Variants in STK3 observed in about 807,000 individuals in gnomAD.
STK3 encodes serine/threonine kinase 3.
In STK3, 41 loss-of-function variants were observed where a neutral mutation model predicts 58.0. The ratio of observed to expected loss-of-function variants is 0.71; its 90% CI spans 0.55 to 0.92. STK3 has a LOEUF of 0.92. Among genes scored for constraint, STK3 ranks in the 40% least tolerant of loss-of-function variants. The pLI is 0.00. For missense variants in STK3, 479 were observed against 602.7 expected (o/e 0.79, Z 2.15); for synonymous variants, 170 against 191.0 (o/e 0.89, Z 0.91).
At chr8:98,876,900 A>T (rs1206264108) in intron 3 of STK3, among the ~76,000 whole-genome samples, 1 of 152,206 alleles carries the variant, frequency 6.6e-6, no homozygotes, top group Non-Finnish European at 1.5e-5. Context: ...GTAAATTTGC[A>T]TTTTGAAAAG....
chr8:98,654,952 AGTGACTTTCT>A (rs1375416721), intron 6 of STK3, among the ~76,000 whole-genome samples: 1 of 152,134 alleles, frequency 6.6e-6, no homozygotes, highest in Non-Finnish European at 1.5e-5. Context: ...TCAAGCTACC[AGTGACTTTCT>A]TCACAGAATT....
intron 3 of STK3, chr8:98,413,259 C>CCCA: frequency 1.6e-5 from 6 of 364,334 alleles, no homozygotes; most frequent in South Asian, 4.5e-5. Context: ...AAGTGATCCA[C>CCCA]CTGCCTTGGC....
chr8:98,740,440 C>T (rs1230529572), intron 4 of STK3, among the ~76,000 whole-genome samples: 2 of 152,144 alleles, frequency 1.3e-5, no homozygotes, highest in Non-Finnish European at 2.9e-5. Flanking sequence ...GGCCAATATT[C>T]AAGATTATTA....
At chr8:98,757,067 G>GA (rs1554669850) in intron 3 of STK3, among the ~76,000 whole-genome samples, 1 of 151,948 alleles carries the variant, frequency 6.6e-6, no homozygotes, top group Non-Finnish European at 1.5e-5. Context: ...TCCCCGTGGA[G>GA]CCCCTGTGAC....
chr8:98,659,486 C>T (rs1302364174), intron 6 of STK3, among the ~76,000 whole-genome samples: 4 of 151,496 alleles, frequency 2.6e-5, no homozygotes, highest in Admixed American at 6.6e-5. Flanking sequence ...GTCAGCAATA[C>T]AATTTTGATG....
upstream of STK3, chr8:98,391,612 G>C (rs1231428928): frequency 2.0e-5 from 3 of 152,202 alleles, no homozygotes; most frequent in Admixed American, 2.0e-4. Context: ...GAGGGAAAAA[G>C]TAAACTCACC....
chr8:98,907,771 C>T (rs1021450257), intron 1 of STK3, among the ~76,000 whole-genome samples: 1 of 152,148 alleles, frequency 6.6e-6, no homozygotes, highest in Non-Finnish European at 1.5e-5. Flanking sequence ...TTCAGATTTC[C>T]CCAATTGTGT....
chr8:98,370,299 T>G (rs898580779), downstream of STK3, among the ~76,000 whole-genome samples: 40 of 150,816 alleles, frequency 2.7e-4, no homozygotes, highest in African/African-American at 9.3e-4. Context: ...TAGAGAGGCC[T>G]GTTAAAAATA....
In STK3 at chr8:98,394,208, A is replaced by G. The variant is rs920217309; in HGVS notation, n.428-5961T>C. Among the ~76,000 whole-genome samples the G allele has an allele frequency of 3.9e-5, 6 of 152,334 alleles. No homozygotes were observed. In the South Asian group the frequency reaches 6.2e-4, roughly 16 times the overall value. The stretch of plus-strand genomic sequence containing the variant: ...TGGCTAGAGAAGCATGCTTAAAACC[A>G]TCTCAGGGACTTCCAGAAATATTTA... On this transcript the variant is annotated intron_variant and non_coding_transcript_variant, in intron 3 of 5. Transcript: ENST00000649151.
the STK3 span, among the ~76,000 whole-genome samples, chr8:98,358,300 A>T: frequency 6.6e-6 from 1 of 152,160 alleles, no homozygotes; most frequent in Admixed American, 6.5e-5. Context: ...CGGGTCAGGC[A>T]GCCATGGCAG....
At chr8:98,660,737 G>A (rs1384056256) in intron 6 of STK3, among the ~76,000 whole-genome samples, 1 of 152,020 alleles carries the variant, frequency 6.6e-6, no homozygotes, top group African/African-American at 2.4e-5. Context: ...CTTTACCAAT[G>A]CAATCAGTAC....
At chr8:98,486,572 T>C (rs1586681190) in intron 10 of STK3, among the ~76,000 whole-genome samples, 1 of 152,188 alleles carries the variant, frequency 6.6e-6, no homozygotes, top group South Asian at 2.1e-4. Context: ...TAAATTATAG[T>C]ACACAACCCC....
intron 6 of STK3, among the ~76,000 whole-genome samples, chr8:98,622,133 A>G (rs1370166049): frequency 6.9e-6 from 1 of 145,756 alleles, no homozygotes; most frequent in Admixed American, 6.9e-5. Context: ...AAATTAGCTG[A>G]GTGTGGTGGT....
At chr8:98,729,032 G>GCA (rs1827989121) in intron 4 of STK3, among the ~76,000 whole-genome samples, 2 of 151,882 alleles carry the variant, frequency 1.3e-5, no homozygotes, top group Admixed American at 1.3e-4. Context: ...GATTCTAAGG[G>GCA]CACTTGGATA....
At chr8:98,495,582 T>C (rs16897058) in intron 10 of STK3, among the ~76,000 whole-genome samples, 4,564 of 152,304 alleles carry the variant, frequency 0.03, 105 homozygotes, top group South Asian at 0.061. Flanking sequence ...TCACCTAGCA[T>C]GGTCTAATTA....
intron 4 of STK3, among the ~76,000 whole-genome samples, chr8:98,715,312 C>T (rs1029557733): frequency 2.0e-5 from 3 of 151,976 alleles, no homozygotes; most frequent in African/African-American, 7.3e-5. Flanking sequence ...AGCTTCTGCA[C>T]AGCAGAAGAA....
At chr8:98,586,330 C>T (rs182654635) in intron 7 of STK3, among the ~76,000 whole-genome samples, 1 of 152,032 alleles carries the variant, frequency 6.6e-6, no homozygotes, top group East Asian at 1.9e-4. Flanking sequence ...TTGTCAAAGG[C>T]CTTTTCTGCA....
chr8:98,920,659 G>A (rs1428653523), intron 1 of STK3, among the ~76,000 whole-genome samples: 1 of 152,212 alleles, frequency 6.6e-6, no homozygotes, highest in East Asian at 1.9e-4. Context: ...TTGTTCAAAT[G>A]TTACCCATGT....
intron 1 of STK3, among the ~76,000 whole-genome samples, chr8:98,917,507 A>G (rs144152419): frequency 6.6e-6 from 1 of 152,292 alleles, no homozygotes; most frequent in Non-Finnish European, 1.5e-5. Flanking sequence ...GGTCACGAGG[A>G]TGGACCGCTT....
Sources: gnomAD v4.1 joint callset for allele counts (sites outside exome capture counted in the v4.1 genomes callset) on GRCh38, gnomAD v4.1.1 for gene constraint, MANE v1.5 for transcripts, NCBI Gene and HGNC (gene_info 2026-07-23, HGNC 2026-07-21) for gene names.